C1QC: variants seen among roughly 807,000 people sequenced by gnomAD.
The protein encoded by C1QC is complement C1q subcomponent subunit C.
Under a neutral mutation model 5.9 loss-of-function variants are expected in C1QC, and 4 were observed. That is an observed-to-expected ratio of 0.68 (90% CI 0.33 to 1.55). The LOEUF is 1.55. Among genes scored for constraint, C1QC ranks in the 40% most tolerant of loss-of-function variants. The probability of loss-of-function intolerance (pLI) is 0.06; values close to 1 mark genes in which losing one functional copy is unlikely to be tolerated. For synonymous variants in C1QC, 166 were observed against 153.8 expected (o/e 1.08, Z -0.59); for missense variants, 299 against 326.9 (o/e 0.91, Z 0.66).
At position 22,647,719 on chromosome 1, in the gene C1QC, A is replaced by G. The variant is rs1447439698; in HGVS notation, c.674A>G (p.Tyr225Cys). Residue 225 changes from tyrosine to cysteine, a missense_variant, in exon 3 of 3, where the codon TAC (tyrosine) becomes TGC (cysteine). By Grantham distance (194) the Tyr-to-Cys change is radical. Transcript: ENST00000374640. ...GTGTGGCTGGCTGTCAATGACTACT[A>G]CGACATGGTGGGCATCCAGGGCTCT... The part of the protein sequence containing the change: ...EEVWLAVNDY[Y>C]DMVGIQGSDS... The G allele has an allele frequency of 2.0e-5, 32 of 1,602,480 alleles. No individual in the cohort carries two copies. Among genetic ancestry groups the G allele is most frequent in the Non-Finnish European group, 2.7e-5 (32 of 1,179,938 alleles).
At position 22,643,960 on chromosome 1, in the gene C1QC, T is replaced by A. The variant is rs1397649585; in HGVS notation, c.-13-51T>A. 5 of 1,552,958 alleles carry A rather than the reference T, an allele frequency of 3.2e-6. No homozygotes were observed. In the South Asian group the frequency reaches 6.2e-5, roughly 19 times the overall value. On this transcript the variant is annotated intron_variant, in intron 1 of 2. Transcript: ENST00000374640. The stretch of plus-strand genomic sequence containing the variant: ...GGACGGGCCCTGGGGAATGAGAGGG[T>A]TGGGGGCAGGTGAGGGGCTGGCGGG...
chr1:22,644,580 A>G (rs954949515), intron 2 of C1QC, among the ~76,000 whole-genome samples: 1 of 152,162 alleles, frequency 6.6e-6, no homozygotes, highest in Admixed American at 6.5e-5. Flanking sequence ...GAATATATCC[A>G]ATGCACGACT....
At chr1:22,645,135 G>A (rs1209257021) in intron 2 of C1QC, among the ~76,000 whole-genome samples, 2 of 152,038 alleles carry the variant, frequency 1.3e-5, no homozygotes, top group Non-Finnish European at 2.9e-5. Context: ...CCTTAGGAGT[G>A]GTCCCACCAT....
At chr1:22,646,117 A>G (rs1471182118) in intron 2 of C1QC, among the ~76,000 whole-genome samples, 2 of 152,186 alleles carry the variant, frequency 1.3e-5, no homozygotes, top group Non-Finnish European at 2.9e-5. Context: ...CTCCACCTCA[A>G]ACTGGCTGCA....
intron 2 of C1QC, among the ~76,000 whole-genome samples, chr1:22,645,462 C>G (rs755959070): frequency 1.7e-4 from 26 of 152,312 alleles, no homozygotes; most frequent in Non-Finnish European, 3.2e-4. Flanking sequence ...AGCAACTTGT[C>G]CAAAGTCACA....
chr1:22,647,710 A>T lies in C1QC; in HGVS notation c.665A>T (p.Asn222Ile). The change falls in exon 3 of 3, where the codon AAT becomes ATT. Residue 222 changes from asparagine to isoleucine, a missense_variant. Physicochemically the swap from Asn to Ile is moderately radical, Grantham distance 149. Transcript: ENST00000374640. ...GGCGAGGAGGTGTGGCTGGCTGTCA[A>T]TGACTACTACGACATGGTGGGCATC... ...QVGEEVWLAVNDYYDMVGIQG... is the reference protein window; with the variant it reads ...QVGEEVWLAVIDYYDMVGIQG... 1 of 1,603,764 alleles carries T rather than the reference A, an allele frequency of 6.2e-7. No individual in the cohort carries two copies. The highest frequency in any genetic ancestry group is 1.7e-5 in the Admixed American group (1 of 60,014).
At chr1:22,646,525 A>G (rs1184403090) in intron 2 of C1QC, among the ~76,000 whole-genome samples, 1 of 152,262 alleles carries the variant, frequency 6.6e-6, no homozygotes, top group Non-Finnish European at 1.5e-5. Context: ...TGTGAATTCT[A>G]GGAATGTCAG....
In C1QC at chr1:22,647,523, T is replaced by C. The variant is rs377444606; in HGVS notation, c.478T>C (p.Cys160Arg). ...DYDTSTGKFT[C>R]KVPGLYYFVY... ...TGACACGAGCACTGGCAAGTTCACC[T>C]GCAAAGTCCCCGGCCTCTACTACTT... The change falls in exon 3 of 3, where the codon TGC becomes CGC. Residue 160 changes from cysteine to arginine, a missense_variant. Coordinates refer to ENST00000374640, the MANE Select transcript of C1QC (RefSeq NM_172369.5). The C allele has an allele frequency of 6.2e-7, 1 of 1,614,122 alleles. No individual in the cohort carries two copies. The highest frequency in any genetic ancestry group is 1.3e-5 in the African/African-American group (1 of 74,946).
chr1:22,645,079 G>T (rs2095610801), intron 2 of C1QC, among the ~76,000 whole-genome samples: 1 of 152,084 alleles, frequency 6.6e-6, no homozygotes, highest in Non-Finnish European at 1.5e-5. Flanking sequence ...GAGGTGATGG[G>T]GTGACAGAGG....
rs200642409 is a variant in C1QC at position 22,647,372 on chromosome 1, T to A, written c.327T>A (p.Gly109=). 3 of 1,613,318 alleles carry A rather than the reference T, an allele frequency of 1.9e-6. No homozygotes were observed. Among genetic ancestry groups the A allele is most frequent in the South Asian group, 1.1e-5 (1 of 91,034 alleles). The change falls in exon 3 of 3, where the codon GGT becomes GGA. Residue 109 remains glycine, a synonymous_variant. Transcript: ENST00000374640. ...CCATGGGCATCCCTGGAGAGCCAGGTGAGGAGGGCAGATACAAGCAGAAAT... is the reference window on the plus strand; with the variant it reads ...CCATGGGCATCCCTGGAGAGCCAGGAGAGGAGGGCAGATACAAGCAGAAAT... The part of the protein sequence containing the change: ...PGPMGIPGEP[G]EEGRYKQKFQ...
intron 2 of C1QC, among the ~76,000 whole-genome samples, chr1:22,644,792 T>G (rs896937671): frequency 6.6e-6 from 1 of 152,144 alleles, no homozygotes; most frequent in Admixed American, 6.5e-5. Context: ...GTAGGCTATT[T>G]TATCATTGGT....
chr1:22,645,570 C>T lies in C1QC; in HGVS notation c.181+1366C>T, dbSNP rs79362718. On this transcript the variant is annotated intron_variant, in intron 2 of 2. Transcript: ENST00000374640. ...GTATTGCTGTTTCCTGGCCCCCTCT[C>T]AATTGGTGGTTTGAAGACATCACGA... Among the ~76,000 whole-genome samples the T allele has an allele frequency of 9.4e-3, 1,434 of 152,284 alleles. 111 individuals are homozygous for T. In the East Asian group the frequency reaches 0.2, roughly 21 times the overall value.
At position 22,644,228 on chromosome 1, in the gene C1QC, G is replaced by T. The variant is rs1250082664; in HGVS notation, c.181+24G>T. On this transcript the variant is annotated intron_variant, in intron 2 of 2. Transcript: ENST00000374640. ...AGGTGAGTCTGCTGGCCTGGTTTGG[G>T]GGTTTGGGTCTGGGGCAGGGATCAG... is the stretch of plus-strand genomic sequence containing the variant. 7 of 1,543,428 alleles carry T rather than the reference G, an allele frequency of 4.5e-6. No homozygotes were observed. In the Admixed American group the frequency reaches 5.9e-5, roughly 13 times the overall value.
chr1:22,643,737 G>A lies in C1QC; in HGVS notation c.-14+23G>A, dbSNP rs1056048591. The A allele has an allele frequency of 3.8e-6, 5 of 1,301,018 alleles. No individual in the cohort carries two copies. In the East Asian group the frequency reaches 1.3e-4, roughly 33 times the overall value. 80.6% of individuals were successfully genotyped at this position (1,301,018 alleles called of 1,614,324 possible). On this transcript the variant is annotated intron_variant, in intron 1 of 2. Coordinates refer to ENST00000374640, the MANE Select transcript of C1QC (RefSeq NM_172369.5). ...CAGGTGAGGCCCGGACCCCTGCCCA[G>A]GTATGGGCAGATGGCCGTTTCCTCC... is the stretch of plus-strand genomic sequence containing the variant.
chr1:22,644,251 C>A (rs774234700), intron 2 of C1QC, 47 bp downstream of exon 2: 1 of 1,511,360 alleles, frequency 6.6e-7, no homozygotes, highest in Non-Finnish European at 8.9e-7. Flanking sequence ...GGGCAGGGAT[C>A]AGAGTGTCTG....
rs1256008474 is a variant in C1QC at position 22,644,165 on chromosome 1, G to A, written c.142G>A (p.Asp48Asn). Residue 48 changes from aspartate to asparagine, a missense_variant, in exon 2 of 3, where the codon GAT becomes AAT. Physicochemically the swap from Asp to Asn is conservative, Grantham distance 23. Transcript: ENST00000374640. ...CGGCCTGCCCGGGGCACCAGGGAAGGATGGGTACGACGGACTGCCGGGGCC... is the reference window on the plus strand; with the variant it reads ...CGGCCTGCCCGGGGCACCAGGGAAGAATGGGTACGACGGACTGCCGGGGCC... ...MPGLPGAPGK[D>N]GYDGLPGPKG... is the part of the protein sequence containing the mutation. The A allele has an allele frequency of 6.3e-6, 10 of 1,587,340 alleles. No individual in the cohort carries two copies. The highest frequency in any genetic ancestry group is 2.3e-5 in the South Asian group (2 of 86,568).
intron 1 of C1QC, 100 bp downstream of exon 1, chr1:22,643,814 G>A (rs1642316206): frequency 3.0e-6 from 4 of 1,352,346 alleles, no homozygotes; most frequent in South Asian, 2.0e-5. Context: ...TGGTGTGTGA[G>A]GGGAAGGAGG....
rs763135184 is a variant in C1QC, at chr1:22,647,307, G to A, written c.262G>A (p.Gly88Ser). Reference protein sequence around the residue: ...PGLPGHPGKNGPMGPPGMPGV... With the variant: ...PGLPGHPGKNSPMGPPGMPGV... The stretch of plus-strand genomic sequence containing the variant: ...CTTACCCGGCCATCCTGGGAAAAAT[G>A]GCCCCATGGGACCCCCTGGGATGCC... Residue 88 changes from glycine (G) to serine (S), a missense_variant, in exon 3 of 3, where the codon GGC becomes AGC. By Grantham distance (56) the Gly-to-Ser change is moderately conservative. Coordinates refer to ENST00000374640, the MANE Select transcript of C1QC (RefSeq NM_172369.5). 6.2e-7 allele frequency: 1 copy of A among 1,613,740 alleles called. No homozygotes were observed. Among genetic ancestry groups the A allele is most frequent in the Non-Finnish European group, 8.5e-7 (1 of 1,179,960 alleles).
Position 22,647,878 on chromosome 1 carries a change from C to A in C1QC, c.*95C>A, listed in dbSNP as rs375575802. The A allele has an allele frequency of 1.3e-5, 19 of 1,518,408 alleles. No homozygotes were observed. Among genetic ancestry groups the A allele is most frequent in the East Asian group, 7.0e-5 (3 of 42,896 alleles). The allele number at this position is 1,518,408 out of a possible 1,614,324, so 94.1% of individuals were successfully genotyped here. A position where few individuals can be genotyped will look rare whatever the true frequency, so the allele number is the denominator to read the frequency against. Reference sequence around the variant, plus strand: ...TGGCCAGTCTGCATCCTTGCCTAGACCATTCTCCCCACCAGATGGACTTCT... The same window carrying A: ...TGGCCAGTCTGCATCCTTGCCTAGAACATTCTCCCCACCAGATGGACTTCT... On this transcript the variant is annotated 3_prime_UTR_variant, in exon 3 of 3. Coordinates refer to ENST00000374640, the MANE Select transcript of C1QC (RefSeq NM_172369.5).
Sources: allele counts gnomAD v4.1 joint callset (sites outside exome capture counted in the v4.1 genomes callset), GRCh38; gene constraint gnomAD v4.1.1; transcripts MANE v1.5; gene names NCBI Gene and HGNC (gene_info 2026-07-23, HGNC 2026-07-21).